PPP2R2C: variants seen among roughly 807,000 people sequenced by gnomAD.
The protein encoded by PPP2R2C is protein phosphatase 2, regulatory subunit B, gamma.
PPP2R2C carries 10 observed loss-of-function variants against 45.3 expected under a neutral mutation model. The ratio of observed to expected loss-of-function variants is 0.22; its 90% CI spans 0.14 to 0.37. The LOEUF (loss-of-function observed/expected upper bound fraction) is 0.37, where lower values mean the gene tolerates loss of function less well. Among genes scored for constraint, PPP2R2C ranks in the 10% least tolerant of loss-of-function variants. The pLI is 1.00. For missense variants in PPP2R2C, 308 were observed against 619.7 expected, an observed-to-expected ratio of 0.50 and a Z score of 5.34; for synonymous variants, 257 against 245.4, an observed-to-expected ratio of 1.05 and a Z score of -0.44.
intron 1 of PPP2R2C, among the ~76,000 whole-genome samples, chr4:6,413,228 C>T (rs1718303725): frequency 6.6e-6 from 1 of 150,620 alleles, no homozygotes; most frequent in African/African-American, 2.4e-5. Flanking sequence ...TGTGCACACA[C>T]AGTTGTACAT....
intron 1 of PPP2R2C, among the ~76,000 whole-genome samples, chr4:6,432,648 A>G (rs1471461771): frequency 6.6e-6 from 1 of 152,242 alleles, no homozygotes; most frequent in African/African-American, 2.4e-5. Flanking sequence ...GACAACACGC[A>G]TACGCATTTC....
At chr4:6,561,583 C>T (rs1725578855) in intron 1 of PPP2R2C, among the ~76,000 whole-genome samples, 1 of 151,970 alleles carries the variant, frequency 6.6e-6, no homozygotes, top group African/African-American at 2.4e-5. Flanking sequence ...TTTTTTTATT[C>T]CAAAAAGAGC....
intron 6 of PPP2R2C, among the ~76,000 whole-genome samples, chr4:6,336,091 A>T (rs1732823967): frequency 1.3e-5 from 2 of 152,112 alleles, no homozygotes; most frequent in South Asian, 4.1e-4. Flanking sequence ...AGCCTAGTTT[A>T]TCCACTAATA....
At chr4:6,377,575 C>T (rs866288115) in intron 3 of PPP2R2C, among the ~76,000 whole-genome samples, 1 of 152,162 alleles carries the variant, frequency 6.6e-6, no homozygotes, top group African/African-American at 2.4e-5. Context: ...AGAAAAATTG[C>T]TTGAACCCGG....
intron 1 of PPP2R2C, chr4:6,381,731 T>A (rs1715810833): frequency 6.3e-7 from 1 of 1,583,268 alleles, no homozygotes; most frequent in African/African-American, 1.4e-5. Context: ...CAACCATGTT[T>A]CTTCAGGTCA....
chr4:6,342,100 ACACACAC>A (rs1435307451), intron 6 of PPP2R2C, among the ~76,000 whole-genome samples: 3 of 146,868 alleles, frequency 2.0e-5, no homozygotes, highest in Non-Finnish European at 3.0e-5. Context: ...ACACACACAC[ACACACAC>A]ACACACACAC....
chr4:6,553,410 C>T (rs770504926), intron 1 of PPP2R2C, among the ~76,000 whole-genome samples: 3 of 152,234 alleles, frequency 2.0e-5, no homozygotes, highest in Admixed American at 1.3e-4. Flanking sequence ...CAAACATCCT[C>T]GTCCCCCTAT....
chr4:6,497,398 G>C (rs1384211295), intron 2 of PPP2R2C, among the ~76,000 whole-genome samples: 2 of 152,122 alleles, frequency 1.3e-5, no homozygotes, highest in Non-Finnish European at 1.5e-5. Flanking sequence ...AGAGTACAGA[G>C]AGGATGTTCC....
At chr4:6,335,294 G>A (rs967458779) in intron 6 of PPP2R2C, among the ~76,000 whole-genome samples, 1 of 152,182 alleles carries the variant, frequency 6.6e-6, no homozygotes, top group African/African-American at 2.4e-5. Flanking sequence ...GCTGGGGGCT[G>A]GTAGTTTAGG....
Position 6,329,095 on chromosome 4 carries a change from G to A in PPP2R2C, c.1052+167C>T, listed in dbSNP as rs956997054. On this transcript the variant is annotated intron_variant, in intron 8 of 8. Transcript: ENST00000382599. The surrounding 1 kb of genome is among the most constrained non-coding windows in gnomAD (Gnocchi z 5.8). ...CATGTCCTGCCCCTTGAATCTGAGC[G>A]CTGAGAGTTGGACCTGCTCTGGAAA... Among the ~76,000 whole-genome samples, 3 of 152,298 alleles carry A rather than the reference G, an allele frequency of 2.0e-5. No homozygotes were observed. The highest frequency in any genetic ancestry group is 3.4e-3 in the Middle Eastern group (1 of 294).
In PPP2R2C at chr4:6,563,006, G is replaced by A. The variant is rs941942499; in HGVS notation, c.-59+554C>T. ...CTTCTCCAAACCAGAGCAGCAGCCG[G>A]GCCTGACTCAGCACCCACCGGCGCG... On this transcript the variant is annotated intron_variant, in intron 1 of 9. Transcript: ENST00000506140. The surrounding 1 kb of genome is among the most constrained non-coding windows in gnomAD (Gnocchi z 5.8). 6.6e-6 allele frequency among the ~76,000 whole-genome samples: 1 copy of A among 151,762 alleles called. No individual in the cohort carries two copies. Among genetic ancestry groups the A allele is most frequent in the Non-Finnish European group, 1.5e-5 (1 of 67,990 alleles).
rs866835654 is a variant in PPP2R2C, at chr4:6,329,221, C to T, written c.1052+41G>A. Reference sequence around the variant, plus strand: ...CAGACCCCTGCAGGGCAGAAACCCTCCCTACGGTGAGGTGAGGTGCGGGCT... The same window carrying T: ...CAGACCCCTGCAGGGCAGAAACCCTTCCTACGGTGAGGTGAGGTGCGGGCT... On this transcript the variant is annotated intron_variant, in intron 8 of 8. Transcript: ENST00000382599. This position sits in a 1 kb window ranked among gnomAD's most constrained non-coding sequence, Gnocchi z 5.8. The T allele has an allele frequency of 2.5e-6, 4 of 1,581,866 alleles. No homozygotes were observed. The highest frequency in any genetic ancestry group is 3.5e-6 in the Non-Finnish European group (4 of 1,152,568).
intron 1 of PPP2R2C, among the ~76,000 whole-genome samples, chr4:6,437,148 G>A (rs6844822): frequency 0.02 from 3,021 of 152,276 alleles, 114 homozygotes; most frequent in African/African-American, 0.069. Flanking sequence ...CAGCGTCATG[G>A]TGCACTGTGT....
Position 6,419,153 on chromosome 4 carries a change from T to C in PPP2R2C, c.71-38059A>G, listed in dbSNP as rs542234482. Among the ~76,000 whole-genome samples, 11 of 152,150 alleles carry C rather than the reference T, an allele frequency of 7.2e-5. No homozygotes were observed. In the East Asian group the frequency reaches 2.1e-3, roughly 29 times the overall value. ...TGACAACAAAACAAACAAAGAAAAATGTGCAACAGATCCTAGCACTTTGGG... is the reference window on the plus strand; with the variant it reads ...TGACAACAAAACAAACAAAGAAAAACGTGCAACAGATCCTAGCACTTTGGG... On this transcript the variant is annotated intron_variant, in intron 1 of 8. Transcript: ENST00000382599.
chr4:6,476,821 T>C (rs1469050152), upstream of PPP2R2C, among the ~76,000 whole-genome samples: 1 of 152,200 alleles, frequency 6.6e-6, no homozygotes, highest in African/African-American at 2.4e-5. Context: ...TAACTGTAAT[T>C]TATTCATTTT....
intron 2 of PPP2R2C, among the ~76,000 whole-genome samples, chr4:6,493,914 G>A (rs748766414): frequency 6.6e-6 from 1 of 152,206 alleles, no homozygotes; most frequent in Non-Finnish European, 1.5e-5. Context: ...GAACATGCTG[G>A]AATGTTAAAG....
At chr4:6,355,420 A>G (rs1713069493) in intron 5 of PPP2R2C, among the ~76,000 whole-genome samples, 7 of 152,158 alleles carry the variant, frequency 4.6e-5, no homozygotes, top group Admixed American at 4.6e-4. Context: ...CTAATGCTAG[A>G]TGACGAGTTA....
At chr4:6,543,251 T>C (rs1724865674) in intron 1 of PPP2R2C, among the ~76,000 whole-genome samples, 1 of 152,138 alleles carries the variant, frequency 6.6e-6, no homozygotes, top group Admixed American at 6.6e-5. Flanking sequence ...GGCTCAGCTC[T>C]CCCTCTGCCC....
chr4:6,506,491 C>G (rs182494958), intron 2 of PPP2R2C, among the ~76,000 whole-genome samples: 9 of 152,266 alleles, frequency 5.9e-5, no homozygotes, highest in Admixed American at 3.3e-4. Flanking sequence ...AAAACTAAAC[C>G]AACTCTGAGG....
Sources: allele counts gnomAD v4.1 joint callset (sites outside exome capture counted in the v4.1 genomes callset), GRCh38; gene constraint gnomAD v4.1.1; non-coding constraint Gnocchi (gnomAD v3.1); transcripts MANE v1.5; gene names NCBI Gene and HGNC (gene_info 2026-07-23, HGNC 2026-07-21).